STAG1: variants seen among roughly 807,000 people sequenced by gnomAD.
STAG1 encodes the protein cohesin subunit SA-1.
A neutral mutation model predicts 170.9 loss-of-function variants in STAG1; 26 were observed. The observed-to-expected ratio is 0.15, with a 90% CI of 0.11 to 0.21. The LOEUF is 0.21. Ranked by LOEUF, STAG1 falls within the 10% of genes least tolerant of loss-of-function variation. The pLI, the probability that STAG1 is intolerant of heterozygous loss-of-function variation, is 1.00. For synonymous variants in STAG1, 514 were observed against 497.7 expected, an observed-to-expected ratio of 1.03 and a Z score of -0.44; for missense variants, 964 against 1,509.5, an observed-to-expected ratio of 0.64 and a Z score of 5.99.
chr3:136,719,460 A>G (rs559679252), intron 1 of STAG1, among the ~76,000 whole-genome samples: 1 of 151,996 alleles, frequency 6.6e-6, no homozygotes, highest in Non-Finnish European at 1.5e-5. Context: ...TTAACTAAAC[A>G]TCACTGAATT....
chr3:136,509,318 G>T (rs1429332527), intron 7 of STAG1, among the ~76,000 whole-genome samples: 1 of 150,658 alleles, frequency 6.6e-6, no homozygotes, highest in Non-Finnish European at 1.5e-5. Context: ...AAACAATTTT[G>T]TTAGGATGTG....
intron 29 of STAG1, among the ~76,000 whole-genome samples, chr3:136,345,077 T>C (rs918595720): frequency 2.6e-5 from 4 of 152,116 alleles, no homozygotes; most frequent in Non-Finnish European, 5.9e-5. Flanking sequence ...TCAGAACTTA[T>C]GAAAATGGTT....
chr3:136,554,114 A>G (rs1037591233), intron 5 of STAG1, among the ~76,000 whole-genome samples: 1 of 152,178 alleles, frequency 6.6e-6, no homozygotes, highest in Non-Finnish European at 1.5e-5. Context: ...AGACTTTTAG[A>G]GAAAAAAAAG....
intron 10 of STAG1, among the ~76,000 whole-genome samples, chr3:136,475,138 C>CTTTTTTTTTTTTTTTT (rs10686674): frequency 1.3e-5 from 1 of 76,002 alleles, no homozygotes; most frequent in Admixed American, 1.7e-4. Flanking sequence ...TTATAGGTTC[C>CTTTTTTTTTTTTTTTT]TTTTTTTTTT....
intron 22 of STAG1, among the ~76,000 whole-genome samples, chr3:136,392,882 TATA>T (rs2087050257): frequency 6.6e-6 from 1 of 152,216 alleles, no homozygotes; most frequent in South Asian, 2.1e-4. Context: ...TTTCTTCTTT[TATA>T]ATAAGCATAT....
Position 136,594,044 on chromosome 3 carries a change from CTCAG to C in STAG1, c.297+10261_297+10264del, listed in dbSNP as rs369993190. On this transcript the variant is annotated intron_variant, in intron 4 of 33. Transcript: ENST00000383202. ...AATACTTCTTGAAACTTTCAAGCTTCTCAGTCAATGAATATTAGAAAATTATTAA... is the reference window on the plus strand; with the variant it reads ...AATACTTCTTGAAACTTTCAAGCTTCTCAATGAATATTAGAAAATTATTAA... Among the ~76,000 whole-genome samples the C allele has an allele frequency of 1.3e-4, 20 of 152,290 alleles. No individual in the cohort carries two copies. The East Asian group carries it at 2.9e-3, about 22-fold the overall frequency.
chr3:136,601,356 A>C (rs981465911), intron 4 of STAG1, among the ~76,000 whole-genome samples: 1 of 152,220 alleles, frequency 6.6e-6, no homozygotes, highest in Admixed American at 6.5e-5. Context: ...AAATATAGCC[A>C]GTAAAAAATA....
At chr3:136,343,700 G>C in intron 30 of STAG1, 132 bp downstream of exon 30, 1 of 569,586 alleles carries the variant, frequency 1.8e-6, no homozygotes, top group South Asian at 4.1e-5. Flanking sequence ...CTCACATGAA[G>C]TGTTTACCCT....
intron 22 of STAG1, among the ~76,000 whole-genome samples, chr3:136,392,997 G>T (rs893573954): frequency 3.3e-5 from 5 of 152,046 alleles, no homozygotes; most frequent in Non-Finnish European, 7.4e-5. Context: ...CCTCTTGAGA[G>T]ATTTAAATGT....
chr3:136,395,323 G>C (rs1259010821), intron 22 of STAG1, among the ~76,000 whole-genome samples: 1 of 151,918 alleles, frequency 6.6e-6, no homozygotes, highest in East Asian at 1.9e-4. Flanking sequence ...GAATATAGTT[G>C]TAAAAAGACA....
At chr3:136,519,903 AG>A (rs1312359577) in intron 7 of STAG1, among the ~76,000 whole-genome samples, 3 of 152,096 alleles carry the variant, frequency 2.0e-5, no homozygotes, top group Non-Finnish European at 4.4e-5. Flanking sequence ...TTTTGAAAAA[AG>A]ATAAAATTGG....
chr3:136,545,023 TTTTA>T (rs1210706890), intron 5 of STAG1, among the ~76,000 whole-genome samples: 1 of 152,116 alleles, frequency 6.6e-6, no homozygotes, highest in Non-Finnish European at 1.5e-5. Context: ...ACAGGATCAT[TTTTA>T]TTGTCATCTA....
chr3:136,495,404 A>G (rs1933024018), intron 9 of STAG1, among the ~76,000 whole-genome samples: 1 of 152,256 alleles, frequency 6.6e-6, no homozygotes, highest in African/African-American at 2.4e-5. Context: ...ACAGATACCA[A>G]AAGCATGACC....
intron 27 of STAG1, among the ~76,000 whole-genome samples, chr3:136,358,646 CT>C (rs1366699600): frequency 1.3e-5 from 2 of 152,286 alleles, no homozygotes; most frequent in Admixed American, 6.5e-5. Context: ...ACAATCATAG[CT>C]CACTATAACC....
chr3:136,412,026 A>G (rs2087638252), intron 21 of STAG1, among the ~76,000 whole-genome samples: 1 of 63,760 alleles, frequency 1.6e-5, no homozygotes, highest in Non-Finnish European at 3.3e-5. Flanking sequence ...CGTCTAAAAA[A>G]CAAACAAACA....
In STAG1 at chr3:136,610,820, C is replaced by A. The variant is rs1453572705; in HGVS notation, c.133-6347G>T. Among the ~76,000 whole-genome samples, 10 of 152,262 alleles carry A rather than the reference C, an allele frequency of 6.6e-5. No homozygotes were observed. The East Asian group carries it at 1.7e-3, about 26-fold the overall frequency. ...ACAAATGCTTGGTGTTGTGTATGCA[C>A]AATTAATGGTTATCATGGAGAATAG... On this transcript the variant is annotated intron_variant, in intron 3 of 33. Coordinates refer to ENST00000383202, the MANE Select transcript of STAG1 (RefSeq NM_005862.3).
At chr3:136,503,940 T>C (rs1423749352) in intron 7 of STAG1, among the ~76,000 whole-genome samples, 1 of 152,176 alleles carries the variant, frequency 6.6e-6, no homozygotes, top group African/African-American at 2.4e-5. Context: ...TTTCACCATG[T>C]TGGCCAGGCG....
intron 1 of STAG1, among the ~76,000 whole-genome samples, chr3:136,632,484 T>C (rs961063221): frequency 6.6e-6 from 1 of 152,128 alleles, no homozygotes; most frequent in African/African-American, 2.4e-5. Context: ...ACCAACTTCC[T>C]TCTCAAAAAT....
rs1036787479 is a variant in STAG1 at position 136,480,713 on chromosome 3, A to G, written c.903-3301T>C. On this transcript the variant is annotated intron_variant, in intron 9 of 33. Coordinates refer to ENST00000383202, the MANE Select transcript of STAG1 (RefSeq NM_005862.3). ...ATATTGATTCTTCCTACCCATGAGC[A>G]TGGAATGTTCTTCCATTTGTTTGTG... 2.4e-4 allele frequency among the ~76,000 whole-genome samples: 15 copies of G among 63,558 alleles called. 3 individuals carry two copies. 41.7% of individuals were successfully genotyped at this position (63,558 alleles called of 152,430 possible). A position where few individuals can be genotyped will look rare whatever the true frequency, so the allele number is the denominator to read the frequency against.
Sources: allele counts gnomAD v4.1 joint callset (sites outside exome capture counted in the v4.1 genomes callset), GRCh38; gene constraint gnomAD v4.1.1; transcripts MANE v1.5; gene names NCBI Gene and HGNC (gene_info 2026-07-23, HGNC 2026-07-21).